The following LRRC37A2 variants were observed in gnomAD, a reference collection of about 807,000 sequenced individuals.
The protein encoded by LRRC37A2 is leucine rich repeat containing 37 member A2.
In LRRC37A2, 9 loss-of-function variants were observed where a neutral mutation model predicts 68.8. The ratio of observed to expected loss-of-function variants is 0.13; its 90% CI spans 0.08 to 0.23. LRRC37A2 has a LOEUF of 0.23. Ranked by LOEUF, LRRC37A2 falls within the 10% of genes least tolerant of loss-of-function variation. LRRC37A2 has a pLI of 1.00. For missense variants in LRRC37A2, 168 were observed against 950.4 expected (o/e 0.18, Z 10.82); for synonymous variants, 63 against 367.6 (o/e 0.17, Z 9.48).
chr17:46,789,548 G>A, the LRRC37A2 span, among the ~76,000 whole-genome samples: 1 of 152,004 alleles, frequency 6.6e-6, no homozygotes, highest in African/African-American at 2.4e-5. Context: ...GATGTTCTTT[G>A]GCCAAAGACG....
At chr17:46,792,272 G>C in the LRRC37A2 span, among the ~76,000 whole-genome samples, 2 of 152,168 alleles carry the variant, frequency 1.3e-5, no homozygotes, top group African/African-American at 4.8e-5. Flanking sequence ...TGACGTCATG[G>C]AGCACCTTTT....
At chr17:46,849,403 C>T in the LRRC37A2 span, among the ~76,000 whole-genome samples, 2 of 152,218 alleles carry the variant, frequency 1.3e-5, no homozygotes, top group African/African-American at 4.8e-5. Context: ...ACAGGAGGAG[C>T]AGCTGGGCAG....
At chr17:46,836,095 C>CGTACGTGTGT in the LRRC37A2 span, among the ~76,000 whole-genome samples, 16 of 126,502 alleles carry the variant, frequency 1.3e-4, no homozygotes, top group African/African-American at 5.1e-4. Context: ...GAGACGCTGA[C>CGTACGTGTGT]GTGTGTGTGT....
the LRRC37A2 span, among the ~76,000 whole-genome samples, chr17:46,501,102 C>G: frequency 6.6e-6 from 1 of 151,310 alleles, no homozygotes; most frequent in Non-Finnish European, 1.5e-5. Context: ...GTTGCCCAGG[C>G]TGGTCTGTAA....
At chr17:46,416,973 C>T in the LRRC37A2 span, among the ~76,000 whole-genome samples, 23,384 of 122,858 alleles carry the variant, frequency 0.19, 4,840 homozygotes, top group Middle Eastern at 0.28. Context: ...TGGTGTGCGT[C>T]CGTAATCCCA....
chr17:46,936,477 C>T, the LRRC37A2 span: 1 of 985,452 alleles, frequency 1.0e-6, no homozygotes, highest in Non-Finnish European at 1.2e-6. Context: ...CCTCTGCACA[C>T]CTGTGGCTAC....
chr17:46,771,209 C>T, the LRRC37A2 span, among the ~76,000 whole-genome samples: 1 of 152,214 alleles, frequency 6.6e-6, no homozygotes, highest in Non-Finnish European at 1.5e-5. Flanking sequence ...GAGTGCAGAG[C>T]TGGTCCCGCC....
At chr17:46,854,020 A>T in the LRRC37A2 span, among the ~76,000 whole-genome samples, 1 of 152,144 alleles carries the variant, frequency 6.6e-6, no homozygotes, top group Non-Finnish European at 1.5e-5. Context: ...AGGGATGAGT[A>T]TCGGAGCCAC....
At chr17:47,029,162 G>A in the LRRC37A2 span, among the ~76,000 whole-genome samples, 2 of 151,938 alleles carry the variant, frequency 1.3e-5, no homozygotes, top group South Asian at 4.2e-4. Context: ...TCCCCTCCAG[G>A]CTGGTCTCGA....
the LRRC37A2 span, among the ~76,000 whole-genome samples, chr17:46,886,902 C>G: frequency 2.6e-5 from 4 of 152,096 alleles, no homozygotes; most frequent in African/African-American, 7.2e-5. Flanking sequence ...CTGCAAACTC[C>G]ACCTCCTAGG....
At chr17:46,997,364 A>G in the LRRC37A2 span, among the ~76,000 whole-genome samples, 9 of 151,870 alleles carry the variant, frequency 5.9e-5, no homozygotes, top group Non-Finnish European at 1.0e-4. Flanking sequence ...CACCTCACCA[A>G]AAAAAAAGAA....
At chr17:46,931,774 T>G in the LRRC37A2 span, 1 of 488,094 alleles carries the variant, frequency 2.0e-6, no homozygotes, top group South Asian at 2.1e-5. Flanking sequence ...CAAGAAGAGG[T>G]CAGTGAGCCT....
At chr17:46,860,081 G>A in the LRRC37A2 span, among the ~76,000 whole-genome samples, 1 of 152,242 alleles carries the variant, frequency 6.6e-6, no homozygotes, top group Non-Finnish European at 1.5e-5. Context: ...GCCAAACATC[G>A]CTGATAAGAA....
At chr17:46,441,876 A>ATTTAC in the LRRC37A2 span, among the ~76,000 whole-genome samples, 1 of 62,406 alleles carries the variant, frequency 1.6e-5, no homozygotes, top group African/African-American at 4.6e-5. Flanking sequence ...AATGAAATTA[A>ATTTAC]TTTACTATCT....
the LRRC37A2 span, among the ~76,000 whole-genome samples, chr17:46,737,269 T>G: frequency 6.6e-6 from 1 of 152,124 alleles, no homozygotes; most frequent in African/African-American, 2.4e-5. Context: ...CACCAAGGAG[T>G]CCACCCTGGT....
chr17:46,804,826 TTGTAAAATGGACCAATCAGCACTC>T, the LRRC37A2 span, among the ~76,000 whole-genome samples: 3 of 152,070 alleles, frequency 2.0e-5, no homozygotes, highest in Non-Finnish European at 2.9e-5. Context: ...AGCTAGAGGT[TTGTAAAATGGACCAATCAGCACTC>T]TGTAAAATGG....
the LRRC37A2 span, chr17:46,940,728 T>C: frequency 6.3e-7 from 1 of 1,593,886 alleles, no homozygotes; most frequent in South Asian, 1.1e-5. Flanking sequence ...AGTGGTTGGC[T>C]TTGATGAACC....
chr17:46,907,747 C>CG, the LRRC37A2 span, among the ~76,000 whole-genome samples: 643 of 145,036 alleles, frequency 4.4e-3, 4 homozygotes, highest in East Asian at 0.013. Context: ...AGCTACTCAG[C>CG]GGGGGGGGTG....
the LRRC37A2 span, chr17:46,722,133 T>C: frequency 7.1e-5 from 115 of 1,611,916 alleles, no homozygotes; most frequent in East Asian, 1.6e-4. Flanking sequence ...CTTCTCGCCA[T>C]TGGGCTTCAC....
Sources: gnomAD v4.1 joint callset for allele counts (sites outside exome capture counted in the v4.1 genomes callset) on GRCh38, gnomAD v4.1.1 for gene constraint, MANE v1.5 for transcripts, NCBI Gene and HGNC (gene_info 2026-07-23, HGNC 2026-07-21) for gene names.